The following GFRAL variants were observed in gnomAD, a reference collection of about 807,000 sequenced individuals.
GFRAL encodes GDNF family receptor alpha-like.
In GFRAL, 36 loss-of-function variants were observed where a neutral mutation model predicts 45.4. The observed-to-expected ratio is 0.79, with a 90% CI of 0.61 to 1.05. GFRAL has a LOEUF of 1.05. Ranked by LOEUF, GFRAL falls within the 50% of genes least tolerant of loss-of-function variation. The probability of loss-of-function intolerance (pLI) is 0.00; values close to 1 mark genes in which losing one functional copy is unlikely to be tolerated. For synonymous variants in GFRAL, 166 were observed against 154.1 expected (o/e 1.08, Z -0.57); for missense variants, 507 against 467.5 (o/e 1.08, Z -0.78).
intron 3 of GFRAL, among the ~76,000 whole-genome samples, chr6:55,340,042 A>G (rs889511334): frequency 2.0e-5 from 3 of 152,238 alleles, no homozygotes; most frequent in African/African-American, 7.2e-5. Context: ...AGAAAGCCTA[A>G]ATATTCCCGA....
intron 2 of GFRAL, among the ~76,000 whole-genome samples, chr6:55,332,411 CTTTCTTT>C (rs1767841925): frequency 6.6e-6 from 1 of 151,424 alleles, no homozygotes; most frequent in Non-Finnish European, 1.5e-5. Context: ...CTGGTATTTT[CTTTCTTT>C]TTTCTTTTTT....
At chr6:55,346,699 GA>G (rs977825658) in intron 3 of GFRAL, among the ~76,000 whole-genome samples, 5 of 147,648 alleles carry the variant, frequency 3.4e-5, no homozygotes, top group Admixed American at 6.7e-5. Flanking sequence ...AAAAGTAAAA[GA>G]AAAAAAAAGT....
At position 55,368,347 on chromosome 6, in the gene GFRAL, AT is replaced by A. The variant is rs546562704; in HGVS notation, c.952+9216del. 3.5e-3 allele frequency among the ~76,000 whole-genome samples: 524 copies of A among 147,674 alleles called. 1 individual carries two copies. Among genetic ancestry groups the A allele is most frequent in the African/African-American group, 0.011 (455 of 40,038 alleles). On this transcript the variant is annotated intron_variant, in intron 6 of 8. Transcript: ENST00000340465. ...TTATTCTAGTTATACATTCTTCTAA[AT>A]TTTTTTCAAAGTTTTCAACTTCTTT...
intron 6 of GFRAL, among the ~76,000 whole-genome samples, chr6:55,367,210 T>C (rs1768376878): frequency 1.6e-5 from 2 of 125,194 alleles, no homozygotes; most frequent in African/African-American, 7.0e-5. Context: ...CTTCTTTCTC[T>C]CTTTTGATCT....
chr6:55,331,718 T>C lies in GFRAL; in HGVS notation c.26T>C (p.Met9Thr). The C allele has an allele frequency of 6.2e-7, 1 of 1,605,456 alleles. No individual in the cohort carries two copies. ...GTTTTTGTTGTTGTTATTCAAGCTA[T>C]GGGGTTAAGCTTGGAAAATGAATAC... MIVFIFLA[M>T]GLSLENEYTS... The change falls in exon 2 of 9, where the codon ATG (methionine) becomes ACG (threonine). Residue 9 changes from methionine to threonine, a missense_variant. Coordinates refer to ENST00000340465, the MANE Select transcript of GFRAL (RefSeq NM_207410.2).
chr6:55,349,324 T>C (rs1768085031), intron 3 of GFRAL, among the ~76,000 whole-genome samples: 2 of 152,070 alleles, frequency 1.3e-5, no homozygotes, highest in African/African-American at 4.8e-5. Context: ...AAACTTATTA[T>C]CTTAATATCC....
chr6:55,400,383 G>GAAAGATTA (rs1411231372), intron 8 of GFRAL, among the ~76,000 whole-genome samples: 2 of 152,216 alleles, frequency 1.3e-5, no homozygotes, highest in East Asian at 1.9e-4. Context: ...CTGACACCTA[G>GAAAGATTA]AAAGATTAAT....
intron 6 of GFRAL, among the ~76,000 whole-genome samples, chr6:55,369,403 C>T (rs566848552): frequency 6.6e-6 from 1 of 152,352 alleles, no homozygotes; most frequent in African/African-American, 2.4e-5. Flanking sequence ...CACCCATCTT[C>T]TGCGTCGCTC....
At chr6:55,370,963 C>T (rs4715537) in intron 6 of GFRAL, among the ~76,000 whole-genome samples, 29,136 of 152,166 alleles carry the variant, frequency 0.19, 3,212 homozygotes, top group African/African-American at 0.3. Flanking sequence ...CAGCTGCCTG[C>T]TCCCCATCCT....
chr6:55,382,465 A>G (rs1180937479), intron 6 of GFRAL, among the ~76,000 whole-genome samples: 1 of 151,996 alleles, frequency 6.6e-6, no homozygotes, highest in African/African-American at 2.4e-5. Context: ...ATATACACTT[A>G]GAATTCTAGA....
intron 6 of GFRAL, among the ~76,000 whole-genome samples, chr6:55,393,677 G>A (rs1297406104): frequency 6.6e-6 from 1 of 152,038 alleles, no homozygotes; most frequent in Non-Finnish European, 1.5e-5. Flanking sequence ...CAAGGGGGGA[G>A]GAAAGAAGCC....
At chr6:55,354,201 C>A (rs1226692582) in intron 5 of GFRAL, among the ~76,000 whole-genome samples, 3 of 151,932 alleles carry the variant, frequency 2.0e-5, no homozygotes, top group Non-Finnish European at 1.5e-5. Context: ...CTGCTATAGT[C>A]CTTGAGAATT....
chr6:55,396,810 A>G (rs1768830965), intron 6 of GFRAL, among the ~76,000 whole-genome samples: 1 of 152,012 alleles, frequency 6.6e-6, no homozygotes, highest in Non-Finnish European at 1.5e-5. Flanking sequence ...AAAATAATTC[A>G]CAAGTTCTAC....
chr6:55,345,677 AG>A (rs1258786925), intron 3 of GFRAL, among the ~76,000 whole-genome samples: 1 of 152,234 alleles, frequency 6.6e-6, no homozygotes, highest in Non-Finnish European at 1.5e-5. Flanking sequence ...TGGCAACAAA[AG>A]CCAAAATTGA....
In GFRAL at chr6:55,359,062, C is replaced by T. The variant is rs1315943683; in HGVS notation, c.876C>T (p.Thr292=). 2 of 1,611,712 alleles carry T rather than the reference C, an allele frequency of 1.2e-6. No individual in the cohort carries two copies. Among genetic ancestry groups the T allele is most frequent in the Non-Finnish European group, 1.7e-6 (2 of 1,178,340 alleles). ...GGACGGTCCTTCAAGTGCAATGTAC[C>T]TGTAGGACCATTACACAAAGTGAGG... The part of the protein sequence containing the change: ...ILGTVLQVQC[T]CRTITQSEES... Residue 292 remains threonine (T), a synonymous_variant, in exon 6 of 9, where the codon ACC becomes ACT. Transcript: ENST00000340465.
At chr6:55,329,228 G>A (rs1581895879) in intron 1 of GFRAL, among the ~76,000 whole-genome samples, 1 of 151,994 alleles carries the variant, frequency 6.6e-6, no homozygotes, top group Non-Finnish European at 1.5e-5. Context: ...TCAATATTTT[G>A]TTGAGTAGGA....
intron 3 of GFRAL, among the ~76,000 whole-genome samples, chr6:55,344,268 A>C (rs890180158): frequency 6.5e-4 from 99 of 152,330 alleles, no homozygotes; most frequent in Middle Eastern, 3.4e-3. Flanking sequence ...TCCCTGATGA[A>C]CATTGATGCA....
intron 6 of GFRAL, among the ~76,000 whole-genome samples, chr6:55,391,405 A>G (rs928546740): frequency 1.3e-5 from 2 of 152,116 alleles, no homozygotes; most frequent in Non-Finnish European, 2.9e-5. Context: ...CTCTTCACAT[A>G]CTGTTTTATT....
At position 55,331,702 on chromosome 6, in the gene GFRAL, G is replaced by T; in HGVS notation, c.23-13G>T. On this transcript the variant is annotated splice_polypyrimidine_tract_variant and intron_variant, in intron 1 of 8. Coordinates refer to ENST00000340465, the MANE Select transcript of GFRAL (RefSeq NM_207410.2). ...TTTATATTACAACCTTGTTTTTGTTGTTGTTATTCAAGCTATGGGGTTAAG... is the reference window on the plus strand; with the variant it reads ...TTTATATTACAACCTTGTTTTTGTTTTTGTTATTCAAGCTATGGGGTTAAG... The T allele has an allele frequency of 6.3e-7, 1 of 1,592,120 alleles. No homozygotes were observed. Among genetic ancestry groups the T allele is most frequent in the Non-Finnish European group, 8.5e-7 (1 of 1,172,414 alleles).
Sources: allele counts gnomAD v4.1 joint callset (sites outside exome capture counted in the v4.1 genomes callset), GRCh38; gene constraint gnomAD v4.1.1; transcripts MANE v1.5; gene names NCBI Gene and HGNC (gene_info 2026-07-23, HGNC 2026-07-21).